Variants in PYROXD2 observed in about 807,000 individuals in gnomAD.
The protein encoded by PYROXD2 is pyridine nucleotide-disulphide oxidoreductase domain 2, also known as pyridine nucleotide-disulfide oxidoreductase domain-containing protein 2.
PYROXD2 carries 69 observed loss-of-function variants against 71.1 expected under a neutral mutation model. That is an observed-to-expected ratio of 0.97 (90% CI 0.80 to 1.19). The LOEUF is 1.19. Ranked by LOEUF, PYROXD2 falls within the 50% of genes most tolerant of loss-of-function variation. The probability of loss-of-function intolerance (pLI) is 0.00; values close to 1 mark genes in which losing one functional copy is unlikely to be tolerated. For synonymous variants in PYROXD2, 287 were observed against 302.7 expected, an observed-to-expected ratio of 0.95 and a Z score of 0.54; for missense variants, 745 against 748.9, an observed-to-expected ratio of 0.99 and a Z score of 0.06.
chr10:98,399,072 C>A (rs1234959747), intron 5 of PYROXD2, among the ~76,000 whole-genome samples: 1 of 152,072 alleles, frequency 6.6e-6, no homozygotes, highest in East Asian at 1.9e-4. Flanking sequence ...ACCCGGGAGG[C>A]AGAGGTTACA....
rs1301007380 is a variant in PYROXD2 at position 98,384,958 on chromosome 10, CCA to C, written c.1662_1663del (p.Ser554ArgfsTer22). 2.5e-6 allele frequency: 4 copies of C among 1,612,262 alleles called. No individual in the cohort carries two copies. Among genetic ancestry groups the C allele is most frequent in the Non-Finnish European group, 3.4e-6 (4 of 1,179,518 alleles). ...TCCAGGTCACTCACCAGGATGAGCCCCACTTCCACAGAGATACAGGCCCTGGA... is the reference window on the plus strand; with the variant it reads ...TCCAGGTCACTCACCAGGATGAGCCCCTTCCACAGAGATACAGGCCCTGGA... On this transcript the variant is annotated frameshift_variant, in exon 15 of 16. Transcript: ENST00000370575. LOFTEE classifies it high-confidence loss of function.
chr10:98,392,610 A>T, intron 9 of PYROXD2, 44 bp from the exon 10 acceptor site: 1 of 1,602,782 alleles, frequency 6.2e-7, no homozygotes, highest in Non-Finnish European at 8.5e-7. Flanking sequence ...CAGGAAGGGA[A>T]ATCCATGTTA....
At chr10:98,411,347 C>G (rs3814142) in intron 1 of PYROXD2, 83,116 of 250,430 alleles carry the variant, frequency 0.33, 15,497 homozygotes, top group African/African-American at 0.53. Context: ...TGGCATGCTG[C>G]TGCGCCAACG....
At chr10:98,385,858 C>A (rs1271917928) in intron 14 of PYROXD2, among the ~76,000 whole-genome samples, 1 of 152,232 alleles carries the variant, frequency 6.6e-6, no homozygotes. Flanking sequence ...GCCTGCTGTA[C>A]CCAGCCATTC....
intron 10 of PYROXD2, among the ~76,000 whole-genome samples, chr10:98,391,787 C>T (rs1842952598): frequency 6.6e-6 from 1 of 152,176 alleles, no homozygotes. Flanking sequence ...GCCTGGACTA[C>T]CGTGCTGGAG....
At position 98,415,112 on chromosome 10, in the gene PYROXD2, G is replaced by A. The variant is rs1348879172; in HGVS notation, c.24C>T (p.Leu8=). The A allele has an allele frequency of 1.9e-6, 3 of 1,613,652 alleles. No individual in the cohort carries two copies. Among genetic ancestry groups the A allele is most frequent in the South Asian group, 2.2e-5 (2 of 91,010 alleles). MAASGRG[L]CKAVAASPFP... ...AGGGAGAGGCGGCCACAGCCTTGCA[G>A]AGACCTCGGCCACTTGCAGCCATTT... The change falls in exon 1 of 16, where the codon CTC becomes CTT. Residue 8 remains leucine, a synonymous_variant. Coordinates refer to ENST00000370575, the MANE Select transcript of PYROXD2 (RefSeq NM_032709.3).
Position 98,384,522 on chromosome 10 carries a change from C to T in PYROXD2, c.1675+425G>A, listed in dbSNP as rs556493272. 5.3e-5 allele frequency among the ~76,000 whole-genome samples: 8 copies of T among 152,314 alleles called. 1 individual carries two copies. The South Asian group carries it at 1.7e-3, about 32-fold the overall frequency. On this transcript the variant is annotated intron_variant, in intron 15 of 15. Coordinates refer to ENST00000370575, the MANE Select transcript of PYROXD2 (RefSeq NM_032709.3). The stretch of plus-strand genomic sequence containing the variant: ...GTCCCACCTACTCCAGAGGCCGAGG[C>T]AGGAGGATCACTTGAGCCCAGGAGG...
chr10:98,400,997 T>C (rs1415837153), intron 4 of PYROXD2, among the ~76,000 whole-genome samples: 1 of 152,136 alleles, frequency 6.6e-6, no homozygotes, highest in African/African-American at 2.4e-5. Flanking sequence ...CTCGTGACTG[T>C]AATCCCAGCA....
chr10:98,405,109 C>T lies in PYROXD2; in HGVS notation c.315+2473G>A, dbSNP rs1843551820. Among the ~76,000 whole-genome samples, 3 of 152,230 alleles carry T rather than the reference C, an allele frequency of 2.0e-5. 1 individual carries two copies. In the South Asian group the frequency reaches 6.2e-4, roughly 31 times the overall value. On this transcript the variant is annotated intron_variant, in intron 4 of 15. Transcript: ENST00000370575. ...GATGAAAAGCCCCCCTCCACACCCC[C>T]TTCTCCACCAGTGCAAAGGCTCTGC...
At chr10:98,401,048 T>A (rs1843380964) in intron 4 of PYROXD2, among the ~76,000 whole-genome samples, 1 of 149,844 alleles carries the variant, frequency 6.7e-6, no homozygotes, top group Non-Finnish European at 1.5e-5. Context: ...AGGTCAGGAG[T>A]TCGAGACCAG....
chr10:98,403,518 T>C (rs1843492948), intron 4 of PYROXD2, among the ~76,000 whole-genome samples: 1 of 152,124 alleles, frequency 6.6e-6, no homozygotes, highest in Non-Finnish European at 1.5e-5. Flanking sequence ...GTCCTGCCCC[T>C]CCCACCCCCA....
intron 5 of PYROXD2, 77 bp downstream of exon 5, chr10:98,400,025 G>T: frequency 2.0e-5 from 31 of 1,552,068 alleles, no homozygotes; most frequent in Non-Finnish European, 2.5e-5. Flanking sequence ...TTGAACAATT[G>T]TTCTAGGACA....
intron 8 of PYROXD2, 58 bp from the exon 9 acceptor site, chr10:98,393,141 C>T: frequency 7.7e-7 from 1 of 1,302,972 alleles, no homozygotes; most frequent in Non-Finnish European, 1.0e-6. Flanking sequence ...CCCCAGAGTT[C>T]CAGGTGCAAC....
chr10:98,397,527 A>G, intron 5 of PYROXD2, 29 bp from the exon 6 acceptor site: 2 of 1,559,690 alleles, frequency 1.3e-6, no homozygotes, highest in Non-Finnish European at 1.7e-6. Flanking sequence ...TTAAGGCCCC[A>G]CTGTCCACAT....
chr10:98,415,140 G>T lies in PYROXD2; in HGVS notation c.-5C>A, dbSNP rs1302163938. 7 of 1,612,072 alleles carry T rather than the reference G, an allele frequency of 4.3e-6. No individual in the cohort carries two copies. The highest frequency in any genetic ancestry group is 1.7e-4 in the Middle Eastern group (1 of 6,056). On this transcript the variant is annotated 5_prime_UTR_variant, in exon 1 of 16. Coordinates refer to ENST00000370575, the MANE Select transcript of PYROXD2 (RefSeq NM_032709.3). ...ACCTCGGCCACTTGCAGCCATTTCT[G>T]CCCCAGGCTGGGCCTTGCTAGGCAG...
Position 98,388,355 on chromosome 10 carries a change from T to A in PYROXD2, c.1446A>T (p.Arg482Ser), listed in dbSNP as rs777440525. 7 of 1,613,652 alleles carry A rather than the reference T, an allele frequency of 4.3e-6. No homozygotes were observed. The Admixed American group carries it at 1.0e-4, about 23-fold the overall frequency. ...DEQERDAYAD[R>S]VFDCIEVYAP... ...GGCAGAACGTGCAGCTGTCTTTACC[T>A]CTGTCTGCATAAGCGTCTCTCTCCT... is the stretch of plus-strand genomic sequence containing the variant. Residue 482 changes from arginine to serine, a missense_variant and splice_region_variant, in exon 13 of 16, where the codon AGA becomes AGT. Physicochemically the swap from Arg to Ser is moderately radical, Grantham distance 110. Transcript: ENST00000370575.
chr10:98,398,307 A>C (rs1387129123), intron 5 of PYROXD2, among the ~76,000 whole-genome samples: 1 of 151,648 alleles, frequency 6.6e-6, no homozygotes, highest in Non-Finnish European at 1.5e-5. Flanking sequence ...GCCTCCTCTC[A>C]CCCCACAAGC....
chr10:98,392,025 G>A (rs1842960827), intron 10 of PYROXD2, among the ~76,000 whole-genome samples: 1 of 152,158 alleles, frequency 6.6e-6, no homozygotes, highest in African/African-American at 2.4e-5. Flanking sequence ...AGTATTTCTT[G>A]TTGTATGCCC....
Position 98,390,750 on chromosome 10 carries a change from G to A in PYROXD2, c.1140C>T (p.Ala380=), listed in dbSNP as rs144445428. 2.2e-5 allele frequency: 35 copies of A among 1,587,208 alleles called. No homozygotes were observed. Among genetic ancestry groups the A allele is most frequent in the African/African-American group, 2.1e-4 (16 of 74,480 alleles). The change falls in exon 12 of 16, where the codon GCC becomes GCT. Residue 380 remains alanine (A), a synonymous_variant. Transcript: ENST00000370575. ...TRSPVTKINV[A]VDRLPSFLAA... ...CCAGGAAGCTGGGCAGCCTGTCTACGGCCACTGAGGGACCAAAGAGGAGGG... is the reference window on the plus strand; with the variant it reads ...CCAGGAAGCTGGGCAGCCTGTCTACAGCCACTGAGGGACCAAAGAGGAGGG...
Sources: allele counts gnomAD v4.1 joint callset (sites outside exome capture counted in the v4.1 genomes callset), GRCh38; gene constraint gnomAD v4.1.1; transcripts MANE v1.5; gene names NCBI Gene and HGNC (gene_info 2026-07-23, HGNC 2026-07-21).